Variants in TTC29 observed in about 807,000 individuals in gnomAD.
TTC29 encodes tetratricopeptide repeat domain 29, also known as tetratricopeptide repeat protein 29.
Under a neutral mutation model 58.1 loss-of-function variants are expected in TTC29, and 49 were observed. The ratio of observed to expected loss-of-function variants is 0.84; its 90% CI spans 0.67 to 1.07. The LOEUF is 1.07. TTC29 is among the 50% of genes least tolerant of loss of function. The pLI is 0.00. For synonymous variants in TTC29, 209 were observed against 196.8 expected (o/e 1.06, Z -0.52); for missense variants, 582 against 555.6 (o/e 1.05, Z -0.48).
intron 11 of TTC29, among the ~76,000 whole-genome samples, chr4:146,766,133 T>C (rs761695696): frequency 6.6e-6 from 1 of 152,034 alleles, no homozygotes; most frequent in African/African-American, 2.4e-5. Flanking sequence ...AGCCAATATA[T>C]TCTAGTGTAT....
At chr4:146,805,087 C>A (rs1045784179) in intron 10 of TTC29, among the ~76,000 whole-genome samples, 4 of 152,150 alleles carry the variant, frequency 2.6e-5, no homozygotes, top group African/African-American at 9.7e-5. Context: ...GATACCCAGG[C>A]AAACAGGGTC....
intron 6 of TTC29, among the ~76,000 whole-genome samples, chr4:146,890,941 G>C (rs1228355167): frequency 6.6e-6 from 1 of 152,048 alleles, no homozygotes; most frequent in Non-Finnish European, 1.5e-5. Context: ...GGGAGCTATT[G>C]GAAGAGACAT....
At chr4:146,857,895 T>G (rs1049394549) in intron 8 of TTC29, among the ~76,000 whole-genome samples, 1 of 152,234 alleles carries the variant, frequency 6.6e-6, no homozygotes, top group Non-Finnish European at 1.5e-5. Flanking sequence ...TGGTTTATCT[T>G]CTTTCCATTA....
At chr4:146,886,233 C>A (rs545418629) in intron 6 of TTC29, among the ~76,000 whole-genome samples, 1 of 152,168 alleles carries the variant, frequency 6.6e-6, no homozygotes, top group East Asian at 1.9e-4. Context: ...CCTGTATCTT[C>A]CTTCTGCTTT....
intron 11 of TTC29, among the ~76,000 whole-genome samples, chr4:146,728,816 TGTATATATAC>T (rs1561066497): frequency 0.028 from 1,294 of 45,746 alleles, 71 homozygotes; most frequent in Non-Finnish European, 0.039. Context: ...CATATATATG[TGTATATATAC>T]ATATATATAC....
At chr4:146,815,522 G>A (rs1751339992) in intron 10 of TTC29, among the ~76,000 whole-genome samples, 1 of 152,166 alleles carries the variant, frequency 6.6e-6, no homozygotes, top group Admixed American at 6.5e-5. Flanking sequence ...GGAGAAATCA[G>A]GATTGGAGAT....
At chr4:146,900,085 CT>C (rs1400147796) in intron 6 of TTC29, among the ~76,000 whole-genome samples, 2 of 152,136 alleles carry the variant, frequency 1.3e-5, no homozygotes, top group Non-Finnish European at 2.9e-5. Context: ...TCCTAGTTCA[CT>C]TTTTTTAGGT....
chr4:146,746,065 T>C (rs1413573826), intron 11 of TTC29, among the ~76,000 whole-genome samples: 3 of 152,254 alleles, frequency 2.0e-5, no homozygotes, highest in Non-Finnish European at 4.4e-5. Context: ...CAGCGATTGA[T>C]GTTGAGAAAG....
Position 146,873,958 on chromosome 4 carries a change from A to G in TTC29, c.799+758T>C, listed in dbSNP as rs1325943571. On this transcript the variant is annotated intron_variant, in intron 7 of 12. Transcript: ENST00000325106. ...TCTTTTTCTCCTTCCTGAAAAGGCTACTCTAGTAATAATTTACTATATGGT... is the reference window on the plus strand; with the variant it reads ...TCTTTTTCTCCTTCCTGAAAAGGCTGCTCTAGTAATAATTTACTATATGGT... Among the ~76,000 whole-genome samples the G allele has an allele frequency of 3.9e-5, 6 of 152,154 alleles. 1 individual carries two copies. The highest frequency in any genetic ancestry group is 1.4e-4 in the African/African-American group (6 of 41,444).
intron 6 of TTC29, among the ~76,000 whole-genome samples, chr4:146,897,977 C>T (rs1271897192): frequency 6.6e-6 from 1 of 152,046 alleles, no homozygotes; most frequent in Non-Finnish European, 1.5e-5. Context: ...GGTTAAGACT[C>T]AATGATAGAA....
intron 11 of TTC29, among the ~76,000 whole-genome samples, chr4:146,736,241 G>A (rs2150027521): frequency 6.6e-6 from 1 of 151,968 alleles, no homozygotes; most frequent in African/African-American, 2.4e-5. Context: ...AAAGCCTTTT[G>A]CACAGGAGTG....
At chr4:146,846,345 T>TTATGC (rs1729167876) in intron 8 of TTC29, among the ~76,000 whole-genome samples, 1 of 152,168 alleles carries the variant, frequency 6.6e-6, no homozygotes, top group Non-Finnish European at 1.5e-5. Context: ...CAAGGGGTCA[T>TTATGC]TATGCTAAGT....
At chr4:146,753,890 G>A (rs895533423) in intron 11 of TTC29, among the ~76,000 whole-genome samples, 8 of 151,130 alleles carry the variant, frequency 5.3e-5, no homozygotes, top group South Asian at 4.2e-4. Flanking sequence ...AACATCACAC[G>A]CCAGGGACTG....
At chr4:146,844,655 A>G (rs73852718) in intron 8 of TTC29, among the ~76,000 whole-genome samples, 8,532 of 152,196 alleles carry the variant, frequency 0.056, 839 homozygotes, top group African/African-American at 0.19. Flanking sequence ...TGCTGGAATT[A>G]GAGGCATGAA....
At chr4:146,847,024 T>C (rs1729217644) in intron 8 of TTC29, among the ~76,000 whole-genome samples, 1 of 152,170 alleles carries the variant, frequency 6.6e-6, no homozygotes, top group Non-Finnish European at 1.5e-5. Context: ...AAATAAAACA[T>C]GGTAGGAAAG....
At chr4:146,783,256 AC>A (rs1290318319) in intron 11 of TTC29, among the ~76,000 whole-genome samples, 6 of 151,018 alleles carry the variant, frequency 4.0e-5, no homozygotes, top group Non-Finnish European at 4.4e-5. Flanking sequence ...ACTCTCCACA[AC>A]CCCCAACAGT....
chr4:146,910,352 G>C (rs1173523981), intron 4 of TTC29, among the ~76,000 whole-genome samples: 1 of 152,038 alleles, frequency 6.6e-6, no homozygotes, highest in African/African-American at 2.4e-5. Flanking sequence ...TCTCACTGCT[G>C]CTTCTCAATT....
intron 10 of TTC29, among the ~76,000 whole-genome samples, chr4:146,807,702 C>G (rs144859301): frequency 0.056 from 8,499 of 152,128 alleles, 824 homozygotes; most frequent in African/African-American, 0.19. Flanking sequence ...GAAGTCAAAT[C>G]CCTGAATAGA....
intron 11 of TTC29, among the ~76,000 whole-genome samples, chr4:146,767,218 G>T (rs1395408711): frequency 3.3e-5 from 5 of 151,866 alleles, no homozygotes; most frequent in Admixed American, 3.3e-4. Flanking sequence ...GAGAGCCCTG[G>T]TTTTAGTCCT....
Sources: gnomAD v4.1 joint callset for allele counts (sites outside exome capture counted in the v4.1 genomes callset) on GRCh38, gnomAD v4.1.1 for gene constraint, MANE v1.5 for transcripts, NCBI Gene and HGNC (gene_info 2026-07-23, HGNC 2026-07-21) for gene names.